The following PDE4D variants were observed in gnomAD, a reference collection of about 807,000 sequenced individuals.
PDE4D encodes the protein phosphodiesterase 4D.
A neutral mutation model predicts 87.4 loss-of-function variants in PDE4D; 24 were observed. That is an observed-to-expected ratio of 0.27 (90% CI 0.20 to 0.39). PDE4D has a LOEUF of 0.39. Ranked by LOEUF, PDE4D falls within the 10% of genes least tolerant of loss-of-function variation. The probability of loss-of-function intolerance (pLI) is 1.00; values close to 1 mark genes in which losing one functional copy is unlikely to be tolerated. For missense variants in PDE4D, 714 were observed against 1,041.0 expected, an observed-to-expected ratio of 0.69 and a Z score of 4.32; for synonymous variants, 384 against 383.2, an observed-to-expected ratio of 1.00 and a Z score of -0.02.
chr5:59,046,266 ATATG>A (rs1284116788), intron 5 of PDE4D, among the ~76,000 whole-genome samples: 1 of 152,114 alleles, frequency 6.6e-6, no homozygotes, highest in Admixed American at 6.5e-5. Context: ...TAGAGAGGGA[ATATG>A]TATGTGTGTG....
intron 3 of PDE4D, among the ~76,000 whole-genome samples, chr5:59,950,278 G>A (rs1417602603): frequency 6.6e-6 from 1 of 152,140 alleles, no homozygotes; most frequent in Non-Finnish European, 1.5e-5. Context: ...CAGCCCAGTA[G>A]CTAGGTAGTT....
intron 3 of PDE4D, among the ~76,000 whole-genome samples, chr5:59,916,967 T>TTTC (rs1286529786): frequency 4.2e-5 from 6 of 142,926 alleles, no homozygotes; most frequent in African/African-American, 1.6e-4. Flanking sequence ...TTTTTTTTTT[T>TTTC]TTTTTTTTTT....
rs544874495 is a variant in PDE4D at position 60,356,465 on chromosome 5, G to A, written c.-90+131477C>T. On this transcript the variant is annotated intron_variant, in intron 1 of 16. Transcript: ENST00000502484. Reference sequence around the variant, plus strand: ...TTATGAATCTGGAGAAATCCAGATAGTAATATTACTATCAGCATATTCACA... The same window carrying A: ...TTATGAATCTGGAGAAATCCAGATAATAATATTACTATCAGCATATTCACA... Among the ~76,000 whole-genome samples the A allele has an allele frequency of 2.6e-5, 4 of 152,246 alleles. 1 individual carries two copies. In the South Asian group the frequency reaches 6.2e-4, roughly 24 times the overall value.
intron 1 of PDE4D, among the ~76,000 whole-genome samples, chr5:59,230,973 A>AAT (rs1755050095): frequency 6.6e-6 from 1 of 152,198 alleles, no homozygotes; most frequent in Non-Finnish European, 1.5e-5. Context: ...ATTCTTTTAA[A>AAT]ATATATAGTG....
At chr5:60,256,094 A>G (rs766406573) in intron 1 of PDE4D, among the ~76,000 whole-genome samples, 2 of 151,918 alleles carry the variant, frequency 1.3e-5, no homozygotes, top group Non-Finnish European at 2.9e-5. Context: ...TCCTCCATGT[A>G]TCTTTACTAA....
intron 3 of PDE4D, among the ~76,000 whole-genome samples, chr5:59,927,397 G>T (rs944112656): frequency 6.6e-6 from 1 of 152,110 alleles, no homozygotes; most frequent in Non-Finnish European, 1.5e-5. Context: ...TCTTGTACTA[G>T]AATAAAAACT....
intron 3 of PDE4D, among the ~76,000 whole-genome samples, chr5:59,984,033 T>A (rs540703826): frequency 5.6e-5 from 8 of 141,626 alleles, no homozygotes; most frequent in Admixed American, 2.3e-4. Flanking sequence ...TACACAAACA[T>A]GGATATCAAA....
chr5:60,500,439 C>A (rs1292924068), intron 1 of PDE4D, among the ~76,000 whole-genome samples: 1 of 152,146 alleles, frequency 6.6e-6, no homozygotes, highest in Admixed American at 6.5e-5. Flanking sequence ...AGAGAAATAA[C>A]TAATTCCATA....
chr5:59,455,525 G>T (rs1799781496), intron 1 of PDE4D, among the ~76,000 whole-genome samples: 1 of 152,258 alleles, frequency 6.6e-6, no homozygotes, highest in Non-Finnish European at 1.5e-5. Flanking sequence ...TGCAGTGGCA[G>T]GGCCCTCATG....
chr5:59,608,338 A>G (rs1452934960), intron 1 of PDE4D, among the ~76,000 whole-genome samples: 1 of 152,192 alleles, frequency 6.6e-6, no homozygotes, highest in East Asian at 1.9e-4. Context: ...AGAGAAGAGG[A>G]TAAGCAAAAC....
At chr5:59,236,801 G>A (rs916163603) in intron 1 of PDE4D, among the ~76,000 whole-genome samples, 10 of 151,946 alleles carry the variant, frequency 6.6e-5, no homozygotes, top group African/African-American at 1.9e-4. Flanking sequence ...AGGAGAGAGG[G>A]AGAGAAGGAA....
chr5:60,304,671 A>G lies in PDE4D; in HGVS notation c.-89-118984T>C, dbSNP rs867797264. On this transcript the variant is annotated intron_variant, in intron 1 of 16. Transcript: ENST00000502484. ...CGTCTCAAAAAAAAAAAAAAAAAAA[A>G]AAAGAAATGGAGAGAGAAAAGGTGA... 4.8e-4 allele frequency among the ~76,000 whole-genome samples: 72 copies of G among 150,292 alleles called. 1 individual carries two copies. The South Asian group carries it at 5.2e-3, about 11-fold the overall frequency.
chr5:60,154,614 T>G (rs1274196731), intron 2 of PDE4D, among the ~76,000 whole-genome samples: 1 of 152,126 alleles, frequency 6.6e-6, no homozygotes, highest in African/African-American at 2.4e-5. Flanking sequence ...ATACAAAAAT[T>G]GCACGTAAGT....
chr5:59,633,142 T>C (rs889367456), intron 1 of PDE4D, among the ~76,000 whole-genome samples: 4 of 151,840 alleles, frequency 2.6e-5, no homozygotes, highest in Non-Finnish European at 4.4e-5. Flanking sequence ...ATATCAGAGA[T>C]TGAAGATCAA....
At chr5:59,621,860 T>C (rs1319213856) in intron 1 of PDE4D, among the ~76,000 whole-genome samples, 1 of 152,196 alleles carries the variant, frequency 6.6e-6, no homozygotes, top group African/African-American at 2.4e-5. Flanking sequence ...GTTTCCAAAT[T>C]TTCTGTGCCC....
intron 1 of PDE4D, among the ~76,000 whole-genome samples, chr5:59,826,489 A>C (rs767065798): frequency 6.7e-5 from 10 of 149,054 alleles, no homozygotes; most frequent in Non-Finnish European, 1.5e-4. Context: ...AACTATCATC[A>C]GTGTTGGAAA....
At chr5:59,085,274 A>G (rs1035591670) in intron 5 of PDE4D, among the ~76,000 whole-genome samples, 13 of 152,194 alleles carry the variant, frequency 8.5e-5, no homozygotes, top group African/African-American at 3.1e-4. Flanking sequence ...ATGATGCAAT[A>G]TACTGTGAAA....
chr5:59,818,964 T>C (rs1769325434), intron 1 of PDE4D, among the ~76,000 whole-genome samples: 1 of 152,000 alleles, frequency 6.6e-6, no homozygotes, highest in South Asian at 2.1e-4. Flanking sequence ...GGACCATTAG[T>C]AATTTACTGT....
chr5:60,153,984 T>C (rs946601460), intron 2 of PDE4D, among the ~76,000 whole-genome samples: 1 of 151,836 alleles, frequency 6.6e-6, no homozygotes, highest in Non-Finnish European at 1.5e-5. Flanking sequence ...CTACTTAAAT[T>C]ATTTTAAGAT....
Sources: gnomAD v4.1 joint callset for allele counts (sites outside exome capture counted in the v4.1 genomes callset) on GRCh38, gnomAD v4.1.1 for gene constraint, MANE v1.5 for transcripts, NCBI Gene and HGNC (gene_info 2026-07-23, HGNC 2026-07-21) for gene names.